Variants in CASQ1 observed in about 807,000 individuals in gnomAD.
CASQ1 encodes the protein calsequestrin-1.
CASQ1 carries 40 observed loss-of-function variants against 49.5 expected under a neutral mutation model. That is an observed-to-expected ratio of 0.81 (90% CI 0.63 to 1.05). The LOEUF is 1.05. CASQ1 is among the 50% of genes least tolerant of loss of function. The pLI, the probability that CASQ1 is intolerant of heterozygous loss-of-function variation, is 0.00. For missense variants in CASQ1, 469 were observed against 486.9 expected (o/e 0.96, Z 0.35); for synonymous variants, 174 against 187.2 (o/e 0.93, Z 0.58).
chr1:160,200,440 TATA>T (rs139064961), intron 10 of CASQ1, among the ~76,000 whole-genome samples: 15,884 of 152,182 alleles, frequency 0.1, 927 homozygotes, highest in South Asian at 0.23. Flanking sequence ...TGATAAACTT[TATA>T]ATAACGATAC....
In CASQ1 at chr1:160,190,808, G is replaced by A. The variant is rs755363185; in HGVS notation, c.57G>A (p.Leu19=). The A allele has an allele frequency of 1.2e-6, 2 of 1,614,202 alleles. No homozygotes were observed. Among genetic ancestry groups the A allele is most frequent in the Non-Finnish European group, 1.7e-6 (2 of 1,180,026 alleles). The change falls in exon 1 of 11, where the codon CTG becomes CTA. Residue 19 remains leucine (L), a synonymous_variant. Coordinates refer to ENST00000368078, the MANE Select transcript of CASQ1 (RefSeq NM_001231.5). ...PRAVPGLRLA[L]LLLLVLGTPK... is the part of the protein sequence containing the mutation. ...CTGTGCCGGGTCTGCGGCTGGCACT[G>A]CTGTTGCTGCTGGTGCTAGGGACAC...
intron 5 of CASQ1, 69 bp from the exon 6 acceptor site, chr1:160,195,828 C>A: frequency 6.6e-7 from 1 of 1,518,564 alleles, no homozygotes; most frequent in Non-Finnish European, 9.0e-7. Context: ...ATTTGTTCCC[C>A]CATTATACTG....
intron 6 of CASQ1, 60 bp downstream of exon 6, chr1:160,196,087 G>A (rs1461366637): frequency 4.5e-6 from 7 of 1,543,736 alleles, no homozygotes; most frequent in Non-Finnish European, 3.5e-6. Flanking sequence ...AGAACACACT[G>A]TGTGAGATGG....
intron 6 of CASQ1, 121 bp from the exon 7 acceptor site, chr1:160,197,448 T>C: frequency 1.3e-6 from 1 of 752,220 alleles, no homozygotes; most frequent in East Asian, 2.5e-5. Flanking sequence ...GATGGCTTTG[T>C]TGTAGGCTAC....
chr1:160,194,211 ACACT>A lies in CASQ1; in HGVS notation c.465+366_465+369del, dbSNP rs760368650. On this transcript the variant is annotated intron_variant, in intron 3 of 10. Coordinates refer to ENST00000368078, the MANE Select transcript of CASQ1 (RefSeq NM_001231.5). ...CACACACACACCACATGCACACCAC[ACACT>A]CCACACACATCACACACCACATGCA... is the stretch of plus-strand genomic sequence containing the variant. Among the ~76,000 whole-genome samples, 10 of 146,786 alleles carry A rather than the reference ACACT, an allele frequency of 6.8e-5. No homozygotes were observed. In the East Asian group the frequency reaches 8.2e-4, roughly 12 times the overall value.
intron 10 of CASQ1, among the ~76,000 whole-genome samples, chr1:160,200,838 C>A (rs1214863702): frequency 6.6e-6 from 1 of 152,102 alleles, no homozygotes; most frequent in South Asian, 2.1e-4. Context: ...TGCCCCTCTG[C>A]GCTTCAGCCC....
chr1:160,197,886 G>C (rs1016710075), intron 7 of CASQ1, among the ~76,000 whole-genome samples: 108 of 152,300 alleles, frequency 7.1e-4, no homozygotes, highest in African/African-American at 2.4e-3. Flanking sequence ...GGGTGTGGTG[G>C]CGGGCGCCTG....
At chr1:160,197,804 G>T (rs1211952144) in intron 7 of CASQ1, among the ~76,000 whole-genome samples, 190 bp downstream of exon 7, 1 of 151,796 alleles carries the variant, frequency 6.6e-6, no homozygotes, top group Non-Finnish European at 1.5e-5. Flanking sequence ...GGATCACGAG[G>T]TCAGGAGATC....
At chr1:160,196,088 T>C (rs1432835528) in intron 6 of CASQ1, 61 bp downstream of exon 6, 2 of 1,545,844 alleles carry the variant, frequency 1.3e-6, no homozygotes, top group African/African-American at 1.4e-5. Context: ...GAACACACTG[T>C]GTGAGATGGG....
intron 2 of CASQ1, 83 bp downstream of exon 2, chr1:160,192,969 T>C (rs1654112396): frequency 9.2e-7 from 1 of 1,085,672 alleles, no homozygotes; most frequent in African/African-American, 1.6e-5. Context: ...AGGCAGTCCT[T>C]GGGATCCGAG....
At chr1:160,198,592 C>A in intron 7 of CASQ1, 85 bp from the exon 8 acceptor site, 1 of 942,416 alleles carries the variant, frequency 1.1e-6, no homozygotes, top group Admixed American at 2.0e-5. Context: ...CAATGAACAT[C>A]TAGGATCTGT....
Position 160,190,926 on chromosome 1 carries a change from A to G in CASQ1, c.175A>G (p.Asn59Asp). Reference protein sequence around the residue: ...VINVNAKNYKNVFKKYEVLAL... With the variant: ...VINVNAKNYKDVFKKYEVLAL... ...CAATGTCAATGCAAAGAACTACAAG[A>G]ATGTGTTCAAGAAGTATGAGGTGCT... The change falls in exon 1 of 11, where the codon AAT becomes GAT. Residue 59 changes from asparagine (N) to aspartate (D), a missense_variant. Physicochemically the swap from Asn to Asp is conservative, Grantham distance 23. Transcript: ENST00000368078. The G allele has an allele frequency of 6.2e-7, 1 of 1,614,130 alleles. No individual in the cohort carries two copies. Among genetic ancestry groups the G allele is most frequent in the East Asian group, 2.2e-5 (1 of 44,888 alleles).
chr1:160,191,070 C>G (rs745531630), intron 1 of CASQ1, 40 bp downstream of exon 1: 12 of 1,599,146 alleles, frequency 7.5e-6, no homozygotes, highest in Non-Finnish European at 1.0e-5. Context: ...GCATGTCTAG[C>G]CCCTCTCCGG....
intron 4 of CASQ1, 92 bp from the exon 5 acceptor site, chr1:160,195,369 C>CTGCCTG: frequency 1.6e-6 from 2 of 1,227,956 alleles, no homozygotes; most frequent in Non-Finnish European, 2.4e-6. Flanking sequence ...CAAAATGAAC[C>CTGCCTG]CTGCCTGCAA....
chr1:160,194,537 C>T lies in CASQ1; in HGVS notation c.466-475C>T, dbSNP rs533777419. Among the ~76,000 whole-genome samples the T allele has an allele frequency of 4.4e-4, 64 of 143,910 alleles. No individual in the cohort carries two copies. The Middle Eastern group carries it at 0.013, about 30-fold the overall frequency. 94.4% of individuals were successfully genotyped at this position (143,910 alleles called of 152,430 possible). A position where few individuals can be genotyped will look rare whatever the true frequency, so the allele number is the denominator to read the frequency against. On this transcript the variant is annotated intron_variant, in intron 3 of 10. Coordinates refer to ENST00000368078, the MANE Select transcript of CASQ1 (RefSeq NM_001231.5). ...ATCACATGCACACACACCGTACATG[C>T]GCACACACACACCACATGCACATAC...
Position 160,193,664 on chromosome 1 carries a change from G to A in CASQ1, c.365-83G>A, listed in dbSNP as rs945325795. The A allele has an allele frequency of 1.7e-5, 14 of 826,890 alleles. No homozygotes were observed. In the African/African-American group the frequency reaches 2.4e-4, roughly 14 times the overall value. The allele number at this position is 826,890 out of a possible 1,614,324, so 51.2% of individuals were successfully genotyped here. A position where few individuals can be genotyped will look rare whatever the true frequency, so the allele number is the denominator to read the frequency against. On this transcript the variant is annotated intron_variant, in intron 2 of 10. Transcript: ENST00000368078. ...CCCCGGTGATTATCAAACGGGCTGT[G>A]GCCGAGGATTTGGACCTTGAATCTG...
chr1:160,196,074 G>A, intron 6 of CASQ1, 47 bp downstream of exon 6: 1 of 1,596,096 alleles, frequency 6.3e-7, no homozygotes. Context: ...TCCTCCTTGG[G>A]CTAGAACACA....
intron 9 of CASQ1, among the ~76,000 whole-genome samples, chr1:160,199,327 G>A (rs1654317652): frequency 6.6e-6 from 1 of 152,112 alleles, no homozygotes; most frequent in Non-Finnish European, 1.5e-5. Flanking sequence ...ATGTTGTGAG[G>A]CACAATAGTC....
At chr1:160,193,007 C>G (rs1654113267) in intron 2 of CASQ1, 121 bp downstream of exon 2, 1 of 777,194 alleles carries the variant, frequency 1.3e-6, no homozygotes, top group Admixed American at 2.1e-5. Flanking sequence ...AGATTTATGT[C>G]TATTCTAAAA....
Sources: allele counts gnomAD v4.1 joint callset (sites outside exome capture counted in the v4.1 genomes callset), GRCh38; gene constraint gnomAD v4.1.1; transcripts MANE v1.5; gene names NCBI Gene and HGNC (gene_info 2026-07-23, HGNC 2026-07-21).